JAG2: variants seen among roughly 807,000 people sequenced by gnomAD.
The protein encoded by JAG2 is jagged canonical Notch ligand 2.
Under a neutral mutation model 141.7 loss-of-function variants are expected in JAG2, and 46 were observed. The observed-to-expected ratio is 0.32, with a 90% CI of 0.26 to 0.42. JAG2 has a LOEUF of 0.42. Ranked by LOEUF, JAG2 falls within the 10% of genes least tolerant of loss-of-function variation. JAG2 has a pLI of 1.00. For missense variants in JAG2, 1,500 were observed against 1,817.5 expected (o/e 0.83, Z 3.18); for synonymous variants, 862 against 763.5 (o/e 1.13, Z -2.13).
chr14:105,158,090 G>C (rs1056001328), intron 2 of JAG2, among the ~76,000 whole-genome samples: 5 of 152,102 alleles, frequency 3.3e-5, no homozygotes, highest in Non-Finnish European at 5.9e-5. Context: ...CGGGGGGAGA[G>C]GTGGGCAAAG....
At chr14:105,163,137 C>T (rs768725171) in intron 2 of JAG2, among the ~76,000 whole-genome samples, 2 of 152,232 alleles carry the variant, frequency 1.3e-5, no homozygotes, top group Non-Finnish European at 2.9e-5. Context: ...CTCCCGCCCC[C>T]TACGGAGCAC....
chr14:105,155,313 G>A (rs887220102), intron 5 of JAG2, among the ~76,000 whole-genome samples: 11 of 151,988 alleles, frequency 7.2e-5, no homozygotes, highest in Non-Finnish European at 1.0e-4. Context: ...CCTCGGTGAC[G>A]TGACTGTCCA....
intron 2 of JAG2, among the ~76,000 whole-genome samples, chr14:105,162,528 G>A (rs1888779362): frequency 6.6e-6 from 1 of 151,278 alleles, no homozygotes; most frequent in African/African-American, 2.4e-5. Context: ...GTATCCCACA[G>A]CCCAGGGCAC....
Position 105,157,700 on chromosome 14 carries a change from A to G in JAG2, c.475+6T>C, listed in dbSNP as rs372695559. ...GGAGCTGCCACCTGGCCCAGGGCTC[A>G]CTCACCATTCGGGGTGGTATCGTTG... is the stretch of plus-strand genomic sequence containing the variant. On this transcript the variant is annotated splice_donor_region_variant and intron_variant, in intron 3 of 25. Transcript: ENST00000331782. The G allele has an allele frequency of 6.4e-6, 10 of 1,558,612 alleles. No homozygotes were observed. The highest frequency in any genetic ancestry group is 6.9e-6 in the Non-Finnish European group (8 of 1,152,582).
At chr14:105,158,867 C>G (rs1208195956) in intron 2 of JAG2, among the ~76,000 whole-genome samples, 3 of 152,076 alleles carry the variant, frequency 2.0e-5, no homozygotes, top group Non-Finnish European at 4.4e-5. Flanking sequence ...CATCCCTCAG[C>G]ACACCCCATC....
intron 23 of JAG2, 119 bp from the exon 24 acceptor site, chr14:105,145,180 G>T: frequency 7.2e-7 from 1 of 1,397,896 alleles, no homozygotes; most frequent in Non-Finnish European, 9.9e-7. Context: ...GGAGAGCACA[G>T]CAAGGATGCC....
rs774914201 is a variant in JAG2 at position 105,143,105 on chromosome 14, C to T, written c.3307G>A (p.Val1103Met). The change falls in exon 26 of 26, where the codon GTG becomes ATG. Residue 1103 changes from valine to methionine, a missense_variant. Physicochemically the swap from Val to Met is conservative, Grantham distance 21. This residue lies in a region of JAG2 where 425 missense variants were observed against 441.0 expected (regional missense o/e 0.96). Transcript: ENST00000331782. ...VLWLACVVLCVWWTRKRRKER... is the reference protein window; with the variant it reads ...VLWLACVVLCMWWTRKRRKER... ...TTCCTGCGCTTGCGTGTCCACCACA[C>T]GCACAGGACCACGCACGCCAGCCAC... 5.6e-6 allele frequency: 9 copies of T among 1,599,294 alleles called. No individual in the cohort carries two copies. The highest frequency in any genetic ancestry group is 5.3e-5 in the African/African-American group (4 of 74,930).
At chr14:105,156,226 C>G (rs74406740) in intron 3 of JAG2, among the ~76,000 whole-genome samples, 2,134 of 152,228 alleles carry the variant, frequency 0.014, 50 homozygotes, top group African/African-American at 0.049. Flanking sequence ...CGCAGAGGGT[C>G]GGGGGGCCCG....
chr14:105,156,072 A>G, intron 3 of JAG2, 83 bp from the exon 4 acceptor site: 11 of 1,536,978 alleles, frequency 7.2e-6, no homozygotes, highest in Non-Finnish European at 9.6e-6. Flanking sequence ...ACGGGGCAGA[A>G]GCCTGCGGCT....
rs1888960375 is a variant in JAG2, at chr14:105,167,657, A to G, written c.417+100T>C. 1 of 1,211,350 alleles carries G rather than the reference A, an allele frequency of 8.3e-7. No homozygotes were observed. The highest frequency in any genetic ancestry group is 1.6e-5 in the African/African-American group (1 of 62,332). 75.0% of individuals were successfully genotyped at this position (1,211,350 alleles called of 1,614,324 possible). ...CCCCGCCTGGGCGCGCGCGGCTCGC[A>G]CGCAGACCCGGCCGCAGGTGTTGGG... On this transcript the variant is annotated intron_variant, in intron 2 of 25. Coordinates refer to ENST00000331782, the MANE Select transcript of JAG2 (RefSeq NM_002226.5). The surrounding 1 kb of genome is among the most constrained non-coding windows in gnomAD (Gnocchi z 4.8).
At chr14:105,166,627 A>T (rs931867555) in intron 2 of JAG2, among the ~76,000 whole-genome samples, 2 of 152,206 alleles carry the variant, frequency 1.3e-5, no homozygotes, top group African/African-American at 4.8e-5. Context: ...GGCAGCAGGC[A>T]AGGCTGCCAG....
intron 3 of JAG2, 74 bp from the exon 4 acceptor site, chr14:105,156,063 C>A (rs587682581): frequency 2.5e-5 from 39 of 1,566,808 alleles, no homozygotes; most frequent in Non-Finnish European, 3.4e-5. Flanking sequence ...ACAACGGGGA[C>A]GGGGCAGAAG....
Position 105,167,777 on chromosome 14 carries a change from G to T in JAG2, c.397C>A (p.Pro133Thr). 1 of 1,463,488 alleles carries T rather than the reference G, an allele frequency of 6.8e-7. No individual in the cohort carries two copies. The highest frequency in any genetic ancestry group is 9.0e-7 in the Non-Finnish European group (1 of 1,109,926). The allele number at this position is 1,463,488 out of a possible 1,614,324, so 90.7% of individuals were successfully genotyped here. ...CGTACCGGCCAGGCGAACTGGAAGG[G>T]GATGACGACGAGGCCCGGGTCCTGG... ...GDQDPGLVVI[P>T]FQFAWPRSFT... Residue 133 changes from proline (P) to threonine (T), a missense_variant, in exon 2 of 26, where the codon CCC (proline) becomes ACC (threonine). Coordinates refer to ENST00000331782, the MANE Select transcript of JAG2 (RefSeq NM_002226.5). The surrounding 1 kb of genome is among the most constrained non-coding windows in gnomAD (Gnocchi z 4.8).
chr14:105,166,548 T>C (rs1463187817), intron 2 of JAG2, among the ~76,000 whole-genome samples: 1 of 152,194 alleles, frequency 6.6e-6, no homozygotes, highest in Non-Finnish European at 1.5e-5. Context: ...GCTCACGGGT[T>C]GAGGACATGG....
At chr14:105,151,793 C>A in intron 7 of JAG2, 54 bp from the exon 8 acceptor site, 1 of 1,600,018 alleles carries the variant, frequency 6.2e-7, no homozygotes. Context: ...CAGCTTTCCA[C>A]AAGCACTCCT....
intron 2 of JAG2, among the ~76,000 whole-genome samples, chr14:105,161,398 T>G (rs1566769254): frequency 2.0e-5 from 3 of 152,162 alleles, no homozygotes; most frequent in Admixed American, 1.3e-4. Flanking sequence ...CCACCCGGTC[T>G]CCCGGCACAG....
At chr14:105,162,681 TC>T in intron 2 of JAG2, among the ~76,000 whole-genome samples, 1 of 138,062 alleles carries the variant, frequency 7.2e-6, no homozygotes, top group East Asian at 2.2e-4. Context: ...ACACCTCAGG[TC>T]CAAGGCACCC....
In JAG2 at chr14:105,157,804, C is replaced by G. The variant is rs1438129565; in HGVS notation, c.418-41G>C. The G allele has an allele frequency of 2.6e-6, 4 of 1,528,150 alleles. No individual in the cohort carries two copies. The Admixed American group carries it at 5.8e-5, about 22-fold the overall frequency. The allele number at this position is 1,528,150 out of a possible 1,614,324, so 94.7% of individuals were successfully genotyped here. A position where few individuals can be genotyped will look rare whatever the true frequency, so the allele number is the denominator to read the frequency against. On this transcript the variant is annotated intron_variant, in intron 2 of 25. Coordinates refer to ENST00000331782, the MANE Select transcript of JAG2 (RefSeq NM_002226.5). Reference sequence around the variant, plus strand: ...GGCGGGTCAGGTACCTGAGGCCACACCTGCCTGCCTCGTTCAGGGTGGGAC... The same window carrying G: ...GGCGGGTCAGGTACCTGAGGCCACAGCTGCCTGCCTCGTTCAGGGTGGGAC...
At chr14:105,144,598 G>A (rs773280543) in intron 24 of JAG2, among the ~76,000 whole-genome samples, 2 of 152,178 alleles carry the variant, frequency 1.3e-5, no homozygotes, top group African/African-American at 4.8e-5. Flanking sequence ...CCCAAAGCAG[G>A]CCTCCCAGGG....
Sources: allele counts gnomAD v4.1 joint callset (sites outside exome capture counted in the v4.1 genomes callset), GRCh38; gene constraint gnomAD v4.1.1; regional missense constraint gnomAD v4.1.1; non-coding constraint Gnocchi (gnomAD v3.1); transcripts MANE v1.5; gene names NCBI Gene and HGNC (gene_info 2026-07-23, HGNC 2026-07-21).